The following ADRA1B variants were observed in gnomAD, a reference collection of about 807,000 sequenced individuals.
ADRA1B encodes alpha-1B adrenergic receptor.
ADRA1B carries 17 observed loss-of-function variants against 17.9 expected under a neutral mutation model. The observed-to-expected ratio is 0.95, with a 90% CI of 0.65 to 1.42. The LOEUF is 1.42. Ranked by LOEUF, ADRA1B falls within the 40% of genes most tolerant of loss-of-function variation. ADRA1B has a pLI of 0.00. For synonymous variants in ADRA1B, 366 were observed against 327.6 expected, an observed-to-expected ratio of 1.12 and a Z score of -1.27; for missense variants, 681 against 722.1, an observed-to-expected ratio of 0.94 and a Z score of 0.65.
chr5:159,916,838 C>T lies in ADRA1B; in HGVS notation c.-68C>T. The T allele has an allele frequency of 1.4e-6, 2 of 1,467,726 alleles. No individual in the cohort carries two copies. The highest frequency in any genetic ancestry group is 1.8e-6 in the Non-Finnish European group (2 of 1,083,198). The allele number at this position is 1,467,726 out of a possible 1,614,324, so 90.9% of individuals were successfully genotyped here. On this transcript the variant is annotated 5_prime_UTR_variant, in exon 1 of 2. Transcript: ENST00000306675. ...CGGGGGAAGCAAAGTTTCAGGGCAGCTGAGGAGCCTTCGCCGCAGCCCTTC... is the reference window on the plus strand; with the variant it reads ...CGGGGGAAGCAAAGTTTCAGGGCAGTTGAGGAGCCTTCGCCGCAGCCCTTC...
Position 159,916,919 on chromosome 5 carries a change from T to C in ADRA1B, c.14T>C (p.Leu5Pro), listed in dbSNP as rs1581030378. 6.2e-7 allele frequency: 1 copy of C among 1,612,064 alleles called. No individual in the cohort carries two copies. The highest frequency in any genetic ancestry group is 8.5e-7 in the Non-Finnish European group (1 of 1,178,934). The change falls in exon 1 of 2, where the codon CTG (leucine) becomes CCG (proline). Residue 5 changes from leucine (L) to proline (P), a missense_variant. By Grantham distance (98) the Leu-to-Pro change is moderately conservative. Around this residue, in one of 3 missense-constraint regions of ADRA1B, gnomAD observed 424 missense variants for 480.2 expected, o/e 0.88. Transcript: ENST00000306675. ...GCGGACTCTAAGATGAATCCCGACC[T>C]GGACACCGGCCACAACACATCAGCA... is the stretch of plus-strand genomic sequence containing the variant. MNPD[L>P]DTGHNTSAPA...
intron 1 of ADRA1B, among the ~76,000 whole-genome samples, chr5:159,938,602 T>C (rs1226721340): frequency 6.6e-6 from 1 of 152,188 alleles, no homozygotes; most frequent in African/African-American, 2.4e-5. Flanking sequence ...AGGATAGATG[T>C]GAACAATGCA....
chr5:159,971,970 C>T lies in ADRA1B; in HGVS notation c.1041C>T (p.Ile347=). Residue 347 remains isoleucine (I), a synonymous_variant, in exon 2 of 2, where the codon ATC becomes ATT. Transcript: ENST00000306675. ...GYFNSCLNPI[I]YPCSSKEFKR... is the part of the protein sequence containing the mutation. ...TCAACAGCTGCCTCAACCCCATCAT[C>T]TACCCATGCTCCAGCAAGGAGTTCA... 1 of 1,475,188 alleles carries T rather than the reference C, an allele frequency of 6.8e-7. No individual in the cohort carries two copies. Among genetic ancestry groups the T allele is most frequent in the South Asian group, 1.5e-5 (1 of 66,580 alleles). The allele number at this position is 1,475,188 out of a possible 1,614,324, so 91.4% of individuals were successfully genotyped here.
intron 1 of ADRA1B, among the ~76,000 whole-genome samples, chr5:159,891,965 G>A (rs758611204): frequency 7.9e-5 from 12 of 152,310 alleles, no homozygotes; most frequent in Middle Eastern, 3.4e-3. Context: ...CTGGCCAGGC[G>A]CGCTGGCTCA....
intron 1 of ADRA1B, among the ~76,000 whole-genome samples, chr5:159,894,062 G>A (rs1754016299): frequency 6.6e-6 from 1 of 152,142 alleles, no homozygotes; most frequent in South Asian, 2.1e-4. Context: ...CACCTACCTG[G>A]CAAGGGGCCA....
In ADRA1B at chr5:159,902,900, C is replaced by T. The variant is rs956548487; in HGVS notation, c.-255-13219C>T. ...GTTTTCCTTCCTCCTATGCCTCTGG[C>T]GTGTGTCTATTCCCCTCCTGATGAG... On this transcript the variant is annotated intron_variant, in intron 1 of 2. Transcript: ENST00000641205. Among the ~76,000 whole-genome samples the T allele has an allele frequency of 1.3e-5, 2 of 152,176 alleles. 1 individual carries two copies. The highest frequency in any genetic ancestry group is 4.8e-5 in the African/African-American group (2 of 41,434).
chr5:159,873,943 G>T (rs995947199), intron 1 of ADRA1B, among the ~76,000 whole-genome samples: 1 of 152,290 alleles, frequency 6.6e-6, no homozygotes, highest in Non-Finnish European at 1.5e-5. Context: ...ACAACCATCA[G>T]CTTTTTAACC....
At chr5:159,936,326 A>G (rs1316089751) in intron 1 of ADRA1B, among the ~76,000 whole-genome samples, 1 of 152,210 alleles carries the variant, frequency 6.6e-6, no homozygotes, top group Non-Finnish European at 1.5e-5. Flanking sequence ...CTCAATGAAC[A>G]TTTGTTCAGT....
chr5:159,886,410 TGAG>T (rs1753923070), intron 1 of ADRA1B, among the ~76,000 whole-genome samples: 1 of 152,176 alleles, frequency 6.6e-6, no homozygotes, highest in African/African-American at 2.4e-5. Context: ...TCCTTGCCAA[TGAG>T]GAGTTCTCAC....
intron 1 of ADRA1B, among the ~76,000 whole-genome samples, chr5:159,935,794 G>A (rs1047290922): frequency 1.3e-5 from 2 of 152,168 alleles, no homozygotes; most frequent in Admixed American, 6.5e-5. Flanking sequence ...TGATCCGCTC[G>A]CCTCAGCCTC....
chr5:159,904,319 C>T (rs1014040884), intron 1 of ADRA1B, among the ~76,000 whole-genome samples: 1 of 152,208 alleles, frequency 6.6e-6, no homozygotes, highest in African/African-American at 2.4e-5. Flanking sequence ...CTTCTACAGT[C>T]CCTTCCAGCT....
chr5:159,916,712 G>A lies in ADRA1B; in HGVS notation c.-194G>A. ...TCTCCTCCTCCTCCTCCCTCTGACA[G>A]GCGAGCGAGCGACTCGGTGCAGGCA... On this transcript the variant is annotated 5_prime_UTR_variant, in exon 1 of 2. Transcript: ENST00000306675. 1 of 576,496 alleles carries A rather than the reference G, an allele frequency of 1.7e-6. No individual in the cohort carries two copies. Among genetic ancestry groups the A allele is most frequent in the South Asian group, 2.4e-5 (1 of 41,568 alleles). The allele number at this position is 576,496 out of a possible 1,614,324, so 35.7% of individuals were successfully genotyped here. A position where few individuals can be genotyped will look rare whatever the true frequency, so the allele number is the denominator to read the frequency against.
chr5:159,909,826 C>T (rs1754209750), intron 1 of ADRA1B, among the ~76,000 whole-genome samples: 1 of 152,110 alleles, frequency 6.6e-6, no homozygotes, highest in Non-Finnish European at 1.5e-5. Context: ...ATAAAAGCAA[C>T]AAAATGGAAA....
intron 1 of ADRA1B, among the ~76,000 whole-genome samples, chr5:159,962,073 C>T (rs1283231864): frequency 6.6e-6 from 1 of 152,186 alleles, no homozygotes; most frequent in African/African-American, 2.4e-5. Flanking sequence ...ATGACATGCA[C>T]TATAGTCCCA....
upstream of ADRA1B, among the ~76,000 whole-genome samples, chr5:159,913,867 T>C (rs972368658): frequency 5.9e-5 from 9 of 152,148 alleles, no homozygotes; most frequent in African/African-American, 1.2e-4. Flanking sequence ...GAACTTGCTC[T>C]TTATTTTATC....
intron 1 of ADRA1B, among the ~76,000 whole-genome samples, chr5:159,919,881 T>C (rs1233390828): frequency 2.0e-5 from 3 of 152,210 alleles, no homozygotes; most frequent in South Asian, 4.1e-4. Flanking sequence ...AACACGGCTC[T>C]GGTGATCAGG....
chr5:159,957,593 T>C (rs1280131301), intron 1 of ADRA1B, among the ~76,000 whole-genome samples: 1 of 151,946 alleles, frequency 6.6e-6, no homozygotes, highest in Non-Finnish European at 1.5e-5. Flanking sequence ...TTCATATGAT[T>C]TAGTTTTCTA....
chr5:159,917,197 G>T lies in ADRA1B; in HGVS notation c.292G>T (p.Val98Phe). ...GGCCGACCTGCTGTTGAGCTTCACC[G>T]TCCTGCCCTTCTCAGCGGCCCTAGA... is the stretch of plus-strand genomic sequence containing the variant. ...AMADLLLSFT[V>F]LPFSAALEVL... is the part of the protein sequence containing the mutation. The change falls in exon 1 of 2, where the codon GTC becomes TTC. Residue 98 changes from valine to phenylalanine, a missense_variant. By Grantham distance (50) the Val-to-Phe change is conservative (BLOSUM62 -1). This residue lies in a region of ADRA1B where 424 missense variants were observed against 480.2 expected (regional missense o/e 0.88). Coordinates refer to ENST00000306675, the MANE Select transcript of ADRA1B (RefSeq NM_000679.4). 6.2e-7 allele frequency: 1 copy of T among 1,614,124 alleles called. No homozygotes were observed. Among genetic ancestry groups the T allele is most frequent in the Non-Finnish European group, 8.5e-7 (1 of 1,180,040 alleles).
intron 1 of ADRA1B, among the ~76,000 whole-genome samples, chr5:159,952,024 C>T (rs1362552025): frequency 2.0e-5 from 3 of 152,172 alleles, no homozygotes; most frequent in Non-Finnish European, 4.4e-5. Context: ...ATTACAGTTT[C>T]TCCTGGATTT....
Sources: allele counts gnomAD v4.1 joint callset (sites outside exome capture counted in the v4.1 genomes callset), GRCh38; gene constraint gnomAD v4.1.1; regional missense constraint gnomAD v4.1.1; transcripts MANE v1.5; gene names NCBI Gene and HGNC (gene_info 2026-07-23, HGNC 2026-07-21).